NR3C2: variants seen among roughly 807,000 people sequenced by gnomAD.
The protein encoded by NR3C2 is mineralocorticoid receptor.
Under a neutral mutation model 86.4 loss-of-function variants are expected in NR3C2, and 15 were observed. The observed-to-expected ratio is 0.17, with a 90% CI of 0.12 to 0.27. The LOEUF (loss-of-function observed/expected upper bound fraction) is 0.27, where lower values mean the gene tolerates loss of function less well. Ranked by LOEUF, NR3C2 falls within the 10% of genes least tolerant of loss-of-function variation. NR3C2 has a pLI of 1.00. For missense variants in NR3C2, 960 were observed against 1,195.6 expected (o/e 0.80, Z 2.91); for synonymous variants, 458 against 450.5 (o/e 1.02, Z -0.21).
upstream of NR3C2, chr4:148,444,070 C>G (rs1214752354): frequency 6.4e-5 from 63 of 985,414 alleles, no homozygotes; most frequent in Non-Finnish European, 7.0e-5. Flanking sequence ...GTCACGCGCA[C>G]TCTCCCGGCC....
chr4:148,116,396 A>G (rs767837927), intron 7 of NR3C2, among the ~76,000 whole-genome samples: 11 of 152,230 alleles, frequency 7.2e-5, no homozygotes, highest in Non-Finnish European at 1.3e-4. Context: ...CAAATTTTGG[A>G]GTTCTGCCCA....
chr4:148,344,031 T>C (rs1744875685), intron 2 of NR3C2, among the ~76,000 whole-genome samples: 3 of 152,166 alleles, frequency 2.0e-5, no homozygotes, highest in Admixed American at 6.6e-5. Context: ...AACTACCGCA[T>C]AAGCTATATC....
At chr4:148,183,164 T>C (rs190822025) in intron 4 of NR3C2, among the ~76,000 whole-genome samples, 1 of 152,364 alleles carries the variant, frequency 6.6e-6, no homozygotes, top group African/African-American at 2.4e-5. Flanking sequence ...TCCTTTTTTA[T>C]GGCTGCATAG....
rs1340603875 is a variant in NR3C2, at chr4:148,194,765, T to C, written c.1995A>G (p.Gln665=). 3.7e-6 allele frequency: 6 copies of C among 1,610,400 alleles called. No individual in the cohort carries two copies. The highest frequency in any genetic ancestry group is 4.2e-6 in the Non-Finnish European group (5 of 1,178,956). The stretch of plus-strand genomic sequence containing the variant: ...ACTTACCTCCTAAATTCATTCCAGC[T>C]TGAAGACATTTCTGAAGTCTGCAAG... ...CPACRLQKCL[Q]AGMNLGARKS... The change falls in exon 4 of 9, where the codon CAA becomes CAG. Residue 665 remains glutamine (Q), a synonymous_variant. Coordinates refer to ENST00000358102, the MANE Select transcript of NR3C2 (RefSeq NM_000901.5).
intron 2 of NR3C2, among the ~76,000 whole-genome samples, chr4:148,373,136 C>T (rs1746499741): frequency 6.6e-6 from 1 of 152,166 alleles, no homozygotes; most frequent in African/African-American, 2.4e-5. Context: ...CTAAGGGAAG[C>T]CAAGTTCCAC....
chr4:148,081,525 A>C, intron 8 of NR3C2, 26 bp from the exon 9 acceptor site: 1 of 1,613,820 alleles, frequency 6.2e-7, no homozygotes, highest in Non-Finnish European at 8.5e-7. Context: ...AGGGGGCATG[A>C]CACGGGGGCC....
intron 2 of NR3C2, among the ~76,000 whole-genome samples, chr4:148,267,294 T>G (rs7375750): frequency 1.3e-5 from 2 of 151,620 alleles, no homozygotes; most frequent in Admixed American, 1.3e-4. Flanking sequence ...TAATTTTTTT[T>G]TTTTTTAAAG....
At chr4:148,321,378 T>C (rs1469405872) in intron 2 of NR3C2, among the ~76,000 whole-genome samples, 1 of 151,670 alleles carries the variant, frequency 6.6e-6, no homozygotes, top group Non-Finnish European at 1.5e-5. Flanking sequence ...GAGAGTTCTG[T>C]AGATGTCTAT....
At chr4:148,196,983 A>C (rs10008590) in intron 3 of NR3C2, among the ~76,000 whole-genome samples, 6,360 of 152,292 alleles carry the variant, frequency 0.042, 438 homozygotes, top group African/African-American at 0.15. Context: ...AACCCACAGA[A>C]CAACCCTATG....
intron 3 of NR3C2, among the ~76,000 whole-genome samples, chr4:148,239,634 CA>C (rs1179343499): frequency 6.6e-6 from 1 of 152,144 alleles, no homozygotes; most frequent in African/African-American, 2.4e-5. Flanking sequence ...GCCACCAGGC[CA>C]CCAGAAGGCA....
rs539380139 is a variant in NR3C2 at position 148,137,143 on chromosome 4, A to G, written c.2510+15326T>C. Among the ~76,000 whole-genome samples, 3 of 152,336 alleles carry G rather than the reference A, an allele frequency of 2.0e-5. No homozygotes were observed. The South Asian group carries it at 6.2e-4, about 32-fold the overall frequency. On this transcript the variant is annotated intron_variant, in intron 6 of 8. Coordinates refer to ENST00000358102, the MANE Select transcript of NR3C2 (RefSeq NM_000901.5). ...AACCACACATTCTCAAAGCTATGAG[A>G]ATAAGTTATCTCACTGGTATGGTAG...
intron 4 of NR3C2, among the ~76,000 whole-genome samples, chr4:148,177,353 A>G (rs1352145994): frequency 6.6e-6 from 1 of 152,228 alleles, no homozygotes; most frequent in Non-Finnish European, 1.5e-5. Context: ...ATTGAATATC[A>G]TACATTTACT....
upstream of NR3C2, chr4:148,444,539 T>C (rs1750498436): frequency 1.0e-5 from 10 of 985,294 alleles, no homozygotes; most frequent in Non-Finnish European, 1.1e-5. Context: ...TTCTAGGACA[T>C]GGTGGGGAGG....
intron 2 of NR3C2, among the ~76,000 whole-genome samples, chr4:148,337,387 G>A (rs1044672316): frequency 3.3e-5 from 5 of 152,248 alleles, no homozygotes; most frequent in Admixed American, 1.3e-4. Flanking sequence ...TTGACTGTTG[G>A]TTCACATGGC....
At chr4:148,407,578 C>T (rs1260421266) in intron 2 of NR3C2, among the ~76,000 whole-genome samples, 4 of 152,088 alleles carry the variant, frequency 2.6e-5, no homozygotes, top group Admixed American at 2.0e-4. Context: ...GGATTTCAGT[C>T]GACTTCCAAG....
At chr4:148,148,788 T>C (rs1733981345) in intron 6 of NR3C2, among the ~76,000 whole-genome samples, 1 of 152,248 alleles carries the variant, frequency 6.6e-6, no homozygotes, top group African/African-American at 2.4e-5. Context: ...TATATTTTAC[T>C]TATAAAACTC....
At chr4:148,370,182 C>T (rs1746345481) in intron 2 of NR3C2, among the ~76,000 whole-genome samples, 1 of 152,198 alleles carries the variant, frequency 6.6e-6, no homozygotes, top group South Asian at 2.1e-4. Flanking sequence ...AGAGCTTCTG[C>T]TTCCTACGAA....
chr4:148,400,387 C>A (rs1364842764), intron 2 of NR3C2, among the ~76,000 whole-genome samples: 1 of 150,778 alleles, frequency 6.6e-6, no homozygotes, highest in Non-Finnish European at 1.5e-5. Context: ...AGAAAGCCAG[C>A]CTTGATTTTT....
intron 6 of NR3C2, among the ~76,000 whole-genome samples, chr4:148,139,394 C>T (rs183030709): frequency 1.1e-4 from 16 of 151,546 alleles, no homozygotes; most frequent in African/African-American, 3.4e-4. Flanking sequence ...GTATTTAGCA[C>T]GACACCTTCC....
Sources: allele counts gnomAD v4.1 joint callset (sites outside exome capture counted in the v4.1 genomes callset), GRCh38; gene constraint gnomAD v4.1.1; transcripts MANE v1.5; gene names NCBI Gene and HGNC (gene_info 2026-07-23, HGNC 2026-07-21).